Variants in RUNDC3B observed in about 807,000 individuals in gnomAD.
RUNDC3B encodes the protein RUN domain containing 3B.
RUNDC3B carries 33 observed loss-of-function variants against 58.4 expected under a neutral mutation model. The ratio of observed to expected loss-of-function variants is 0.56; its 90% confidence interval spans 0.43 to 0.75. The LOEUF (loss-of-function observed/expected upper bound fraction) is 0.75, where lower values mean the gene tolerates loss of function less well. Ranked by LOEUF, RUNDC3B falls within the 30% of genes least tolerant of loss-of-function variation. RUNDC3B has a pLI of 0.00. For missense variants in RUNDC3B, 501 were observed against 535.7 expected (o/e 0.94, Z 0.64); for synonymous variants, 193 against 195.2 (o/e 0.99, Z 0.10).
At chr7:87,728,376 A>G (rs879602408) in intron 4 of RUNDC3B, among the ~76,000 whole-genome samples, 2 of 152,136 alleles carry the variant, frequency 1.3e-5, no homozygotes, top group African/African-American at 4.8e-5. Context: ...TTAGTTTCCT[A>G]TTGTTACCTG....
chr7:87,717,319 A>T (rs1366593960), intron 4 of RUNDC3B, among the ~76,000 whole-genome samples: 1 of 152,014 alleles, frequency 6.6e-6, no homozygotes, highest in Non-Finnish European at 1.5e-5. Flanking sequence ...ATGTTAAACA[A>T]GATAAGAAAA....
intron 10 of RUNDC3B, among the ~76,000 whole-genome samples, chr7:87,816,843 G>T (rs2130951992): frequency 6.6e-6 from 1 of 152,116 alleles, no homozygotes; most frequent in Middle Eastern, 3.4e-3. Flanking sequence ...GAATTATATG[G>T]TCCCATTTCA....
intron 2 of RUNDC3B, among the ~76,000 whole-genome samples, chr7:87,685,243 A>G (rs1260957319): frequency 6.6e-6 from 1 of 152,226 alleles, no homozygotes; most frequent in Non-Finnish European, 1.5e-5. Flanking sequence ...AACCTTAATA[A>G]TATGAAAACC....
chr7:87,728,590 G>T (rs1335571299), intron 4 of RUNDC3B, among the ~76,000 whole-genome samples: 1 of 152,058 alleles, frequency 6.6e-6, no homozygotes, highest in Non-Finnish European at 1.5e-5. Flanking sequence ...TGCCTCTTTT[G>T]TCACATCTTC....
At chr7:87,784,888 AG>A (rs1207423132) in intron 8 of RUNDC3B, among the ~76,000 whole-genome samples, 1 of 152,094 alleles carries the variant, frequency 6.6e-6, no homozygotes, top group Non-Finnish European at 1.5e-5. Flanking sequence ...GCTGCATAAA[AG>A]GTCCCCTCCT....
chr7:87,808,738 T>C (rs1256698714), intron 9 of RUNDC3B, among the ~76,000 whole-genome samples: 2 of 152,120 alleles, frequency 1.3e-5, no homozygotes, highest in Admixed American at 1.3e-4. Context: ...TATTAATAAC[T>C]AGAATATATC....
chr7:87,719,188 T>C (rs1295920027), intron 4 of RUNDC3B, among the ~76,000 whole-genome samples: 3 of 151,716 alleles, frequency 2.0e-5, no homozygotes, highest in Non-Finnish European at 4.4e-5. Flanking sequence ...TAAGAAGAAA[T>C]GTGTAAAATC....
At chr7:87,766,717 C>G (rs1833997644) in intron 6 of RUNDC3B, among the ~76,000 whole-genome samples, 1 of 151,788 alleles carries the variant, frequency 6.6e-6, no homozygotes, top group Non-Finnish European at 1.5e-5. Context: ...TGATCATATG[C>G]CTTGGTGGTG....
intron 8 of RUNDC3B, among the ~76,000 whole-genome samples, chr7:87,787,988 T>TACC (rs1247269915): frequency 7.9e-5 from 12 of 152,360 alleles, no homozygotes; most frequent in Admixed American, 7.2e-4. Flanking sequence ...ATAGTATTTG[T>TACC]ATGTACCATG....
At chr7:87,688,033 G>T (rs1827644657) in intron 2 of RUNDC3B, among the ~76,000 whole-genome samples, 1 of 151,974 alleles carries the variant, frequency 6.6e-6, no homozygotes, top group Admixed American at 6.6e-5. Context: ...CATATACTCA[G>T]GCCAAAACAT....
intron 7 of RUNDC3B, 71 bp downstream of exon 7, chr7:87,770,820 A>G: frequency 9.9e-7 from 1 of 1,012,480 alleles, no homozygotes; most frequent in Non-Finnish European, 1.5e-6. Flanking sequence ...CTGCCAAAAT[A>G]TTTTTTAACT....
chr7:87,802,321 A>G (rs113893213), intron 8 of RUNDC3B, among the ~76,000 whole-genome samples: 357 of 152,204 alleles, frequency 2.3e-3, no homozygotes, highest in South Asian at 8.3e-3. Flanking sequence ...CTTGAGACTC[A>G]GAGATTGAGG....
intron 2 of RUNDC3B, among the ~76,000 whole-genome samples, chr7:87,676,505 A>G (rs1433204732): frequency 6.6e-6 from 1 of 151,992 alleles, no homozygotes; most frequent in South Asian, 2.1e-4. Context: ...GTTCAAGACA[A>G]CCAGCCTGGC....
At chr7:87,633,811 G>T (rs1821466393) in intron 1 of RUNDC3B, among the ~76,000 whole-genome samples, 1 of 152,122 alleles carries the variant, frequency 6.6e-6, no homozygotes, top group South Asian at 2.1e-4. Flanking sequence ...ATGCAGATAT[G>T]TGAAATGTTA....
rs1459581220 is a variant in RUNDC3B, at chr7:87,693,694, A to G, written c.239-6727A>G. Among the ~76,000 whole-genome samples the G allele has an allele frequency of 2.0e-5, 3 of 152,198 alleles. No individual in the cohort carries two copies. Among genetic ancestry groups the G allele is most frequent in the Non-Finnish European group, 4.4e-5 (3 of 68,032 alleles). On this transcript the variant is annotated intron_variant, in intron 2 of 10. Transcript: ENST00000394654. ...ACTTACAGACACCTTAGCCTCTCCA[A>G]TACAATAAGCTACAAGGAACTAGCT... is the stretch of plus-strand genomic sequence containing the variant.
chr7:87,749,741 T>A (rs1242104741), intron 6 of RUNDC3B, among the ~76,000 whole-genome samples: 3 of 152,072 alleles, frequency 2.0e-5, no homozygotes, highest in African/African-American at 7.2e-5. Context: ...TAAATAAAGA[T>A]AGCGGAAAGT....
intron 8 of RUNDC3B, among the ~76,000 whole-genome samples, chr7:87,800,653 CTTTTTTTT>C (rs571588791): frequency 2.2e-5 from 3 of 137,606 alleles, no homozygotes; most frequent in Non-Finnish European, 3.2e-5. Context: ...CTTTTCTTTT[CTTTTTTTT>C]TTTTTTTTGA....
chr7:87,776,652 TG>T, intron 7 of RUNDC3B, among the ~76,000 whole-genome samples: 1 of 152,056 alleles, frequency 6.6e-6, no homozygotes, highest in Admixed American at 6.6e-5. Context: ...CTAATGTTTA[TG>T]AATATATATT....
chr7:87,733,574 C>T (rs965976748), intron 4 of RUNDC3B, among the ~76,000 whole-genome samples: 2 of 152,192 alleles, frequency 1.3e-5, no homozygotes, highest in African/African-American at 2.4e-5. Flanking sequence ...CAGCGGTCCC[C>T]AACCTTTTTG....
Sources: gnomAD v4.1 joint callset for allele counts (sites outside exome capture counted in the v4.1 genomes callset) on GRCh38, gnomAD v4.1.1 for gene constraint, MANE v1.5 for transcripts, NCBI Gene and HGNC (gene_info 2026-07-23, HGNC 2026-07-21) for gene names.